PACS1: variants seen among roughly 807,000 people sequenced by gnomAD.
The protein encoded by PACS1 is phosphofurin acidic cluster sorting protein 1, also known as PACS-1.
PACS1 carries 24 observed loss-of-function variants against 115.0 expected under a neutral mutation model. The ratio of observed to expected loss-of-function variants is 0.21; its 90% CI spans 0.15 to 0.29. The LOEUF is 0.29. Among genes scored for constraint, PACS1 ranks in the 10% least tolerant of loss-of-function variants. The pLI, the probability that PACS1 is intolerant of heterozygous loss-of-function variation, is 1.00. For missense variants in PACS1, 838 were observed against 1,251.2 expected (o/e 0.67, Z 4.98); for synonymous variants, 453 against 504.5 (o/e 0.90, Z 1.37).
chr11:66,127,519 G>T (rs533742364), intron 1 of PACS1, among the ~76,000 whole-genome samples: 3 of 152,302 alleles, frequency 2.0e-5, no homozygotes, highest in African/African-American at 4.8e-5. Flanking sequence ...TTGAAGAGGT[G>T]TAAGAAGGCT....
At chr11:66,145,691 A>C (rs1196208333) in intron 1 of PACS1, among the ~76,000 whole-genome samples, 1 of 152,164 alleles carries the variant, frequency 6.6e-6, no homozygotes, top group Non-Finnish European at 1.5e-5. Flanking sequence ...GACAGGGCTG[A>C]TCCGAAAGGA....
At position 66,216,370 on chromosome 11, in the gene PACS1, C is replaced by A; in HGVS notation, c.805+107C>A. The stretch of plus-strand genomic sequence containing the variant: ...TCCTGGGCAAGAGACCTTTAGAGAC[C>A]CCTGAAAGTAAAATGTGGCTTCGGC... On this transcript the variant is annotated intron_variant, in intron 5 of 23. Coordinates refer to ENST00000320580, the MANE Select transcript of PACS1 (RefSeq NM_018026.4). The A allele has an allele frequency of 2.7e-6, 4 of 1,470,062 alleles. No individual in the cohort carries two copies. The East Asian group carries it at 6.8e-5, about 25-fold the overall frequency. 91.1% of individuals were successfully genotyped at this position (1,470,062 alleles called of 1,614,324 possible).
At position 66,189,225 on chromosome 11, in the gene PACS1, C is replaced by CA. The variant is rs142575246; in HGVS notation, c.357-4252dup. Among the ~76,000 whole-genome samples the CA allele has an allele frequency of 3.8e-4, 57 of 151,332 alleles. 2 individuals are homozygous for CA. In the South Asian group the frequency reaches 9.0e-3, roughly 24 times the overall value. ...CTTGAGTCATGCCATTGAAAACAAA[C>CA]AAAAAAAAATCCTGTTGAACTGATT... On this transcript the variant is annotated intron_variant, in intron 1 of 23. Coordinates refer to ENST00000320580, the MANE Select transcript of PACS1 (RefSeq NM_018026.4).
At chr11:66,192,384 A>G (rs1176036665) in intron 1 of PACS1, among the ~76,000 whole-genome samples, 1 of 152,354 alleles carries the variant, frequency 6.6e-6, no homozygotes, top group Middle Eastern at 3.4e-3. Flanking sequence ...GCAAAAATGC[A>G]TAACCCAAGG....
intron 1 of PACS1, among the ~76,000 whole-genome samples, chr11:66,137,301 A>T (rs1402389563): frequency 6.6e-6 from 1 of 152,080 alleles, no homozygotes; most frequent in Non-Finnish European, 1.5e-5. Context: ...TTATGCATCT[A>T]GAATTTATTT....
chr11:66,073,668 T>G (rs1248115763), intron 1 of PACS1, among the ~76,000 whole-genome samples: 1 of 152,224 alleles, frequency 6.6e-6, no homozygotes, highest in Non-Finnish European at 1.5e-5. Context: ...ATAGTACTTT[T>G]GAAAAACTTT....
chr11:66,135,679 CAG>C (rs1370889316), intron 1 of PACS1, among the ~76,000 whole-genome samples: 1 of 143,470 alleles, frequency 7.0e-6, no homozygotes, highest in Non-Finnish European at 1.5e-5. Flanking sequence ...TTTTTTGAGA[CAG>C]AGCCTTGCTC....
chr11:66,231,181 G>T (rs1039852527), intron 13 of PACS1, among the ~76,000 whole-genome samples: 1 of 152,286 alleles, frequency 6.6e-6, no homozygotes, highest in African/African-American at 2.4e-5. Flanking sequence ...CAAAAACGCT[G>T]TGTGGTCGTG....
At chr11:66,153,222 C>T (rs1407584986) in intron 1 of PACS1, among the ~76,000 whole-genome samples, 1 of 152,110 alleles carries the variant, frequency 6.6e-6, no homozygotes. Context: ...CCTTGAACTC[C>T]TGGGCTCAAG....
chr11:66,093,362 A>C (rs1185524532), intron 1 of PACS1, among the ~76,000 whole-genome samples: 3 of 150,288 alleles, frequency 2.0e-5, no homozygotes, highest in South Asian at 2.1e-4. Context: ...TCTACCAAGC[A>C]AATGGAAAAC....
In PACS1 at chr11:66,113,427, G is replaced by A. The variant is rs79226562; in HGVS notation, c.356+42585G>A. Among the ~76,000 whole-genome samples the A allele has an allele frequency of 7.9e-5, 12 of 152,198 alleles. No homozygotes were observed. The East Asian group carries it at 2.3e-3, about 29-fold the overall frequency. On this transcript the variant is annotated intron_variant, in intron 1 of 23. Transcript: ENST00000320580. ...CATCTTTCTAATTGCAGGGTTATTGGTTATCTTCAGATATGCTATTGGAAC... is the reference window on the plus strand; with the variant it reads ...CATCTTTCTAATTGCAGGGTTATTGATTATCTTCAGATATGCTATTGGAAC...
chr11:66,141,182 A>G (rs1020892212), intron 1 of PACS1, among the ~76,000 whole-genome samples: 26 of 152,226 alleles, frequency 1.7e-4, no homozygotes, highest in African/African-American at 6.3e-4. Context: ...TTGTATGTTT[A>G]ATGAAATATT....
At chr11:66,230,137 A>G (rs1351404505) in intron 11 of PACS1, among the ~76,000 whole-genome samples, 1 of 1,028 alleles carries the variant, frequency 9.7e-4, no homozygotes, top group East Asian at 0.17. Context: ...AATGGGGCTA[A>G]AAAAAAAAAA....
chr11:66,224,321 A>T (rs936834871), intron 10 of PACS1, among the ~76,000 whole-genome samples: 3 of 151,798 alleles, frequency 2.0e-5, no homozygotes, highest in Admixed American at 1.3e-4. Context: ...TCTTGACTCC[A>T]CCACTCCACT....
intron 1 of PACS1, among the ~76,000 whole-genome samples, chr11:66,172,891 G>T (rs908221682): frequency 6.7e-6 from 1 of 150,116 alleles, no homozygotes; most frequent in African/African-American, 2.5e-5. Flanking sequence ...CAGGAGAATC[G>T]CTTGAACCCG....
chr11:66,210,444 C>T lies in PACS1; in HGVS notation c.527C>T (p.Ser176Phe). The part of the protein sequence containing the change: ...LVETELQLTF[S>F]LQYPHFLKRD... ...GAAACAGAGCTCCAATTAACCTTCT[C>T]CCTTCAGGTGAGACTCTCCTAATCT... The change falls in exon 3 of 24, where the codon TCC (serine) becomes TTC (phenylalanine). Residue 176 changes from serine to phenylalanine, a missense_variant. Ser to Phe is a radical substitution (Grantham distance 155). This residue lies in a region of PACS1 where 223 missense variants were observed against 354.0 expected (regional missense o/e 0.63). Transcript: ENST00000320580. 6.2e-7 allele frequency: 1 copy of T among 1,608,854 alleles called. No individual in the cohort carries two copies. The highest frequency in any genetic ancestry group is 8.5e-7 in the Non-Finnish European group (1 of 1,175,182).
chr11:66,183,741 G>A (rs1235602188), intron 1 of PACS1, among the ~76,000 whole-genome samples: 1 of 152,192 alleles, frequency 6.6e-6, no homozygotes, highest in Non-Finnish European at 1.5e-5. Flanking sequence ...TGCAGAGCAG[G>A]GATAGACCTG....
At chr11:66,160,758 G>A (rs1859469435) in intron 1 of PACS1, among the ~76,000 whole-genome samples, 2 of 149,166 alleles carry the variant, frequency 1.3e-5, no homozygotes, top group Admixed American at 6.8e-5. Flanking sequence ...TTAGGCTCAA[G>A]CGATCCTCCT....
intron 10 of PACS1, among the ~76,000 whole-genome samples, chr11:66,221,870 C>CT (rs985736174): frequency 6.6e-6 from 1 of 152,148 alleles, no homozygotes; most frequent in African/African-American, 2.4e-5. Context: ...AATCCCAGCT[C>CT]TTTGGGAGGC....
Sources: gnomAD v4.1 joint callset for allele counts (sites outside exome capture counted in the v4.1 genomes callset) on GRCh38, gnomAD v4.1.1 for gene constraint, gnomAD v4.1.1 regional missense constraint, MANE v1.5 for transcripts, NCBI Gene and HGNC (gene_info 2026-07-23, HGNC 2026-07-21) for gene names.